The following ADCY8 variants were observed in gnomAD, a reference collection of about 807,000 sequenced individuals.
ADCY8 encodes the protein adenylate cyclase type 8.
ADCY8 carries 51 observed loss-of-function variants against 119.7 expected under a neutral mutation model. That is an observed-to-expected ratio of 0.43 (90% CI 0.34 to 0.54). The LOEUF is 0.54. Ranked by LOEUF, ADCY8 falls within the 20% of genes least tolerant of loss-of-function variation. ADCY8 has a pLI of 0.03. For synonymous variants in ADCY8, 665 were observed against 651.0 expected (o/e 1.02, Z -0.33); for missense variants, 1,383 against 1,598.8 (o/e 0.87, Z 2.30).
chr8:131,024,205 C>CGA (rs1823757993), intron 1 of ADCY8, among the ~76,000 whole-genome samples: 3 of 152,226 alleles, frequency 2.0e-5, no homozygotes, highest in East Asian at 3.9e-4. Context: ...CAGTTTCACG[C>CGA]CAATGACAGA....
chr8:130,926,149 T>C (rs1820459670), intron 5 of ADCY8, among the ~76,000 whole-genome samples: 1 of 152,164 alleles, frequency 6.6e-6, no homozygotes, highest in Non-Finnish European at 1.5e-5. Context: ...CACATGCACA[T>C]ACATACAAAC....
At position 130,909,742 on chromosome 8, in the gene ADCY8, T is replaced by C; in HGVS notation, c.1606A>G (p.Ile536Val). Reference protein sequence around the residue: ...QFDVWSWDVDIANKLESGGIP... With the variant: ...QFDVWSWDVDVANKLESGGIP... ...CCTCCAGATTCGAGTTTGTTTGCAA[T>C]ATCCACATCCCAAGACCAGACATCA... Residue 536 changes from isoleucine to valine, a missense_variant, in exon 6 of 18, where the codon ATT becomes GTT. Transcript: ENST00000286355. 6.2e-7 allele frequency: 1 copy of C among 1,614,118 alleles called. No individual in the cohort carries two copies. The highest frequency in any genetic ancestry group is 8.5e-7 in the Non-Finnish European group (1 of 1,180,012).
chr8:130,813,490 T>G (rs12547454), intron 14 of ADCY8, among the ~76,000 whole-genome samples: 12,889 of 152,290 alleles, frequency 0.085, 770 homozygotes, highest in Admixed American at 0.18. Context: ...ATAGTATTTA[T>G]TTTTTGCGAA....
rs146198447 is a variant in ADCY8, at chr8:130,780,567, G to A, written c.3579C>T (p.Ala1193=). ...ACTGGACAAGTCCCAGGACAACCGC[G>A]GCCAGGGAGTACTGCCCAGGCAGTC... is the stretch of plus-strand genomic sequence containing the variant. ...PRRLPGQYSL[A]AVVLGLVQSL... Residue 1193 remains alanine (A), a synonymous_variant, in exon 18 of 18, where the codon GCC becomes GCT. Transcript: ENST00000286355. 2.6e-5 allele frequency: 42 copies of A among 1,614,110 alleles called. No homozygotes were observed. The highest frequency in any genetic ancestry group is 6.7e-5 in the African/African-American group (5 of 75,018).
chr8:130,881,932 G>A (rs1818789200), intron 8 of ADCY8, among the ~76,000 whole-genome samples: 1 of 151,492 alleles, frequency 6.6e-6, no homozygotes, highest in Non-Finnish European at 1.5e-5. Flanking sequence ...TAAATTCTTG[G>A]GGAGCTTCTT....
chr8:130,914,756 A>G (rs192093210), intron 5 of ADCY8, among the ~76,000 whole-genome samples: 1 of 152,310 alleles, frequency 6.6e-6, no homozygotes, highest in Admixed American at 6.5e-5. Context: ...GCTGTGCCTA[A>G]TCAGTCACAA....
At chr8:130,907,332 TC>T (rs138416075) in intron 6 of ADCY8, among the ~76,000 whole-genome samples, 3,304 of 152,090 alleles carry the variant, frequency 0.022, 73 homozygotes, top group South Asian at 0.079. Context: ...AACCCAAGGC[TC>T]AGTGGTGTTA....
chr8:130,980,298 A>C (rs1335713709), intron 2 of ADCY8, among the ~76,000 whole-genome samples: 1 of 152,168 alleles, frequency 6.6e-6, no homozygotes, highest in Non-Finnish European at 1.5e-5. Context: ...TCACATTTTG[A>C]GGTTCGGGGG....
At chr8:130,962,193 G>A (rs1035410079) in intron 2 of ADCY8, among the ~76,000 whole-genome samples, 1 of 152,212 alleles carries the variant, frequency 6.6e-6, no homozygotes, top group Non-Finnish European at 1.5e-5. Context: ...TTTGCCTGGA[G>A]TCTGCTAATA....
chr8:130,790,451 C>G (rs1198123381), intron 15 of ADCY8, among the ~76,000 whole-genome samples: 1 of 152,144 alleles, frequency 6.6e-6, no homozygotes, highest in Admixed American at 6.5e-5. Flanking sequence ...TTTTTGTGAC[C>G]TGCATGTCAA....
intron 13 of ADCY8, among the ~76,000 whole-genome samples, chr8:130,816,098 T>C (rs1816331696): frequency 6.6e-6 from 1 of 152,222 alleles, no homozygotes; most frequent in South Asian, 2.1e-4. Flanking sequence ...ATAGCTTCTT[T>C]TCTTTTTAAA....
intron 12 of ADCY8, among the ~76,000 whole-genome samples, chr8:130,835,547 G>C (rs536580074): frequency 6.6e-6 from 1 of 152,144 alleles, no homozygotes; most frequent in African/African-American, 2.4e-5. Context: ...CATTAGCCTT[G>C]CCTTGGGCTG....
intron 14 of ADCY8, among the ~76,000 whole-genome samples, chr8:130,811,941 T>G (rs1401558330): frequency 3.0e-4 from 45 of 152,182 alleles, no homozygotes. Flanking sequence ...ACACCTTCAG[T>G]TCCCTCTTGA....
intron 7 of ADCY8, among the ~76,000 whole-genome samples, chr8:130,888,144 A>G (rs1819057870): frequency 6.6e-6 from 1 of 152,002 alleles, no homozygotes; most frequent in African/African-American, 2.4e-5. Context: ...TGGCTAAAGA[A>G]TAGGAAAAAC....
intron 15 of ADCY8, among the ~76,000 whole-genome samples, chr8:130,795,974 A>C (rs1815567966): frequency 6.6e-6 from 1 of 152,128 alleles, no homozygotes; most frequent in African/African-American, 2.4e-5. Context: ...ACACTAATCA[A>C]ACATATTTGG....
chr8:130,873,567 G>C (rs546700045), intron 8 of ADCY8, among the ~76,000 whole-genome samples: 1 of 152,094 alleles, frequency 6.6e-6, no homozygotes, highest in Non-Finnish European at 1.5e-5. Flanking sequence ...TGATCTGCTC[G>C]CCTCAGCCTT....
At chr8:130,971,558 G>C (rs1380485912) in intron 2 of ADCY8, among the ~76,000 whole-genome samples, 37 of 152,068 alleles carry the variant, frequency 2.4e-4, no homozygotes, top group Non-Finnish European at 2.9e-4. Context: ...GCAATTTACT[G>C]AAGAAAAGGT....
intron 8 of ADCY8, among the ~76,000 whole-genome samples, chr8:130,881,469 G>T (rs1482920217): frequency 2.0e-5 from 3 of 152,050 alleles, no homozygotes; most frequent in Non-Finnish European, 4.4e-5. Flanking sequence ...TCTTCTTATT[G>T]TTCAAACGGA....
At chr8:130,957,747 G>A (rs1821474882) in intron 2 of ADCY8, among the ~76,000 whole-genome samples, 1 of 152,228 alleles carries the variant, frequency 6.6e-6, no homozygotes, top group South Asian at 2.1e-4. Context: ...GGCTGAAAGG[G>A]GTCAATGTAG....
Sources: gnomAD v4.1 joint callset for allele counts (sites outside exome capture counted in the v4.1 genomes callset) on GRCh38, gnomAD v4.1.1 for gene constraint, MANE v1.5 for transcripts, NCBI Gene and HGNC (gene_info 2026-07-23, HGNC 2026-07-21) for gene names.